The following PRKG1 variants were observed in gnomAD, a reference collection of about 807,000 sequenced individuals.
PRKG1 encodes protein kinase cGMP-dependent 1, also known as cGMP-dependent protein kinase 1.
Under a neutral mutation model 88.1 loss-of-function variants are expected in PRKG1, and 35 were observed. The ratio of observed to expected loss-of-function variants is 0.40; its 90% CI spans 0.30 to 0.53. The LOEUF (loss-of-function observed/expected upper bound fraction) is 0.53, where lower values mean the gene tolerates loss of function less well. Among genes scored for constraint, PRKG1 ranks in the 20% least tolerant of loss-of-function variants. The probability of loss-of-function intolerance (pLI) is 0.59; values close to 1 mark genes in which losing one functional copy is unlikely to be tolerated. For synonymous variants in PRKG1, 303 were observed against 292.5 expected, an observed-to-expected ratio of 1.04 and a Z score of -0.37; for missense variants, 540 against 839.8, an observed-to-expected ratio of 0.64 and a Z score of 4.41.
intron 3 of PRKG1, among the ~76,000 whole-genome samples, chr10:51,711,126 G>C (rs1184883020): frequency 6.6e-6 from 1 of 152,022 alleles, no homozygotes; most frequent in South Asian, 2.1e-4. Flanking sequence ...TTTTTTTTGA[G>C]ATGGAGTCTC....
chr10:51,406,017 G>A (rs138414954), intron 2 of PRKG1, among the ~76,000 whole-genome samples: 354 of 152,270 alleles, frequency 2.3e-3, no homozygotes, highest in Middle Eastern at 0.014. Flanking sequence ...TTTAAGGCCC[G>A]TGGAGTGCCC....
chr10:51,276,473 T>C (rs2132189118), intron 2 of PRKG1, among the ~76,000 whole-genome samples: 1 of 152,342 alleles, frequency 6.6e-6, no homozygotes, highest in South Asian at 2.1e-4. Context: ...CCTTTGGGTA[T>C]ATACCCAGTA....
chr10:51,164,363 A>G (rs1042581531), intron 2 of PRKG1, among the ~76,000 whole-genome samples: 1 of 152,196 alleles, frequency 6.6e-6, no homozygotes, highest in Non-Finnish European at 1.5e-5. Flanking sequence ...CAAACTAACA[A>G]ACAGAAAGGA....
At chr10:51,394,557 G>A (rs1837527349) in intron 2 of PRKG1, among the ~76,000 whole-genome samples, 1 of 152,224 alleles carries the variant, frequency 6.6e-6, no homozygotes, top group Non-Finnish European at 1.5e-5. Context: ...ACTCCCAATG[G>A]AGAGAGTGAC....
In PRKG1 at chr10:52,085,110, T is replaced by C. The variant is rs145368029; in HGVS notation, c.935+22479T>C. On this transcript the variant is annotated intron_variant, in intron 7 of 17. Coordinates refer to ENST00000373980, the MANE Select transcript of PRKG1 (RefSeq NM_006258.4). ...ACACGACTGTCTCTCACTGGTGATA[T>C]TAATTTAGATCTTTCAGCTAGGTCA... Among the ~76,000 whole-genome samples, 413 of 152,240 alleles carry C rather than the reference T, an allele frequency of 2.7e-3. 1 individual carries two copies. The highest frequency in any genetic ancestry group is 6.9e-3 in the Admixed American group (105 of 15,276).
In PRKG1 at chr10:51,051,304, T is replaced by A. The variant is rs531049168; in HGVS notation, c.266+59660T>A. Among the ~76,000 whole-genome samples, 11 of 152,268 alleles carry A rather than the reference T, an allele frequency of 7.2e-5. No individual in the cohort carries two copies. In the South Asian group the frequency reaches 2.3e-3, roughly 32 times the overall value. The stretch of plus-strand genomic sequence containing the variant: ...GTTTTATCACTTCATGTTTTACATT[T>A]AAGCCTTTAATCCATTTTGAGTTGA... On this transcript the variant is annotated intron_variant, in intron 1 of 17. Transcript: ENST00000401604.
At chr10:51,264,998 A>G in intron 2 of PRKG1, among the ~76,000 whole-genome samples, 1 of 152,174 alleles carries the variant, frequency 6.6e-6, no homozygotes, top group Non-Finnish European at 1.5e-5. Flanking sequence ...CTATAAAAAC[A>G]GATAATATGG....
intron 9 of PRKG1, among the ~76,000 whole-genome samples, chr10:52,202,980 T>C (rs867533828): frequency 1.3e-4 from 20 of 152,234 alleles, no homozygotes; most frequent in African/African-American, 4.6e-4. Context: ...CTGGTTTTAT[T>C]GATCTTTATA....
intron 5 of PRKG1, among the ~76,000 whole-genome samples, chr10:51,935,838 G>A (rs1009900095): frequency 2.6e-5 from 4 of 152,072 alleles, no homozygotes; most frequent in South Asian, 2.1e-4. Flanking sequence ...CCACAGTGAA[G>A]TACTCACTAA....
In PRKG1 at chr10:52,210,067, A is replaced by C. The variant is rs1348979691; in HGVS notation, c.1077-41503A>C. Among the ~76,000 whole-genome samples, 8 of 152,154 alleles carry C rather than the reference A, an allele frequency of 5.3e-5. No individual in the cohort carries two copies. In the East Asian group the frequency reaches 1.5e-3, roughly 29 times the overall value. ...TATCCATGCTTCTGATTTGATGTGA[A>C]GATTAAATGGCTAATGTTAAACATT... is the stretch of plus-strand genomic sequence containing the variant. On this transcript the variant is annotated intron_variant, in intron 9 of 17. Transcript: ENST00000373980.
intron 3 of PRKG1, among the ~76,000 whole-genome samples, chr10:51,604,514 C>G (rs1169524883): frequency 6.6e-6 from 1 of 152,234 alleles, no homozygotes; most frequent in Non-Finnish European, 1.5e-5. Flanking sequence ...ACAACCACAT[C>G]ATGGGCTCTC....
chr10:51,763,419 C>T (rs1838073148), intron 3 of PRKG1, among the ~76,000 whole-genome samples: 1 of 151,474 alleles, frequency 6.6e-6, no homozygotes, highest in Non-Finnish European at 1.5e-5. Flanking sequence ...AACTACACAG[C>T]TAATTTAAAA....
intron 1 of PRKG1, among the ~76,000 whole-genome samples, chr10:51,021,344 C>T (rs557753553): frequency 6.6e-6 from 1 of 152,232 alleles, no homozygotes; most frequent in East Asian, 1.9e-4. Flanking sequence ...ACCATACGTC[C>T]GTAACAATTT....
chr10:51,793,373 A>C (rs1485703177), intron 3 of PRKG1, among the ~76,000 whole-genome samples: 4 of 152,110 alleles, frequency 2.6e-5, no homozygotes, highest in Admixed American at 2.6e-4. Context: ...AAATGATGGA[A>C]AAAAGAACAA....
intron 1 of PRKG1, among the ~76,000 whole-genome samples, chr10:51,120,295 G>A (rs773792384): frequency 9.9e-5 from 15 of 152,062 alleles, no homozygotes; most frequent in Non-Finnish European, 2.2e-4. Context: ...GGAGGGCAAA[G>A]TTGTTGAGGT....
chr10:52,066,343 A>T (rs941954690), intron 7 of PRKG1, among the ~76,000 whole-genome samples: 3 of 152,190 alleles, frequency 2.0e-5, no homozygotes, highest in African/African-American at 7.2e-5. Flanking sequence ...GCTCCTCCAG[A>T]TATATGATTG....
intron 2 of PRKG1, among the ~76,000 whole-genome samples, chr10:51,237,079 G>A (rs1197786807): frequency 1.3e-5 from 2 of 152,192 alleles, no homozygotes; most frequent in East Asian, 3.9e-4. Context: ...GACTGCACCT[G>A]CTCAGATAAC....
At chr10:51,159,376 A>G (rs1423064703) in intron 2 of PRKG1, among the ~76,000 whole-genome samples, 1 of 152,116 alleles carries the variant, frequency 6.6e-6, no homozygotes, top group African/African-American at 2.4e-5. Flanking sequence ...TTTTGGCCTT[A>G]TGAGTTTTTC....
intron 2 of PRKG1, among the ~76,000 whole-genome samples, chr10:51,419,420 CG>C (rs1275414859): frequency 6.6e-6 from 1 of 152,054 alleles, no homozygotes; most frequent in Non-Finnish European, 1.5e-5. Context: ...AAGAACATGA[CG>C]TTTTTTGGTC....
Sources: allele counts gnomAD v4.1 joint callset (sites outside exome capture counted in the v4.1 genomes callset), GRCh38; gene constraint gnomAD v4.1.1; transcripts MANE v1.5; gene names NCBI Gene and HGNC (gene_info 2026-07-23, HGNC 2026-07-21).